The following HS3ST5 variants were observed in gnomAD, a reference collection of about 807,000 sequenced individuals.
The protein encoded by HS3ST5 is heparan sulfate glucosamine 3-O-sulfotransferase 5.
HS3ST5 carries 10 observed loss-of-function variants against 25.4 expected under a neutral mutation model. The observed-to-expected ratio is 0.39, with a 90% CI of 0.24 to 0.67. The LOEUF (loss-of-function observed/expected upper bound fraction) is 0.67, where lower values mean the gene tolerates loss of function less well. HS3ST5 is among the 30% of genes least tolerant of loss of function. The pLI, the probability that HS3ST5 is intolerant of heterozygous loss-of-function variation, is 0.44. For missense variants in HS3ST5, 324 were observed against 420.7 expected (o/e 0.77, Z 2.01); for synonymous variants, 170 against 162.4 (o/e 1.05, Z -0.36).
At chr6:114,341,875 C>A (rs79329718) in intron 1 of HS3ST5, among the ~76,000 whole-genome samples, 1 of 152,094 alleles carries the variant, frequency 6.6e-6, no homozygotes, top group Non-Finnish European at 1.5e-5. Context: ...CTTTCTCCCT[C>A]AAAGAGAGCG....
intron 3 of HS3ST5, among the ~76,000 whole-genome samples, chr6:114,161,521 TTATA>T (rs59921019): frequency 0.012 from 406 of 33,380 alleles, 2 homozygotes; most frequent in East Asian, 0.021. Context: ...TCCTGAAGTT[TTATA>T]TATATATATA....
intron 2 of HS3ST5, among the ~76,000 whole-genome samples, chr6:114,227,650 G>A (rs1771365109): frequency 6.6e-6 from 1 of 151,956 alleles, no homozygotes; most frequent in Non-Finnish European, 1.5e-5. Context: ...AAAAAGTAAT[G>A]GAAAGAGGTA....
rs114590122 is a variant in HS3ST5 at position 114,273,605 on chromosome 6, T to C, written c.-338-44827A>G. Among the ~76,000 whole-genome samples the C allele has an allele frequency of 3.8e-3, 577 of 152,144 alleles. 5 individuals are homozygous for C. The highest frequency in any genetic ancestry group is 0.013 in the African/African-American group (521 of 41,536). ...AAGATGCAGAGAAAGAGCAGCCCGT[T>C]AGGAAAGTGAAAACCTAGAGGGGTA... On this transcript the variant is annotated intron_variant, in intron 1 of 4. Coordinates refer to ENST00000312719, the MANE Select transcript of HS3ST5 (RefSeq NM_153612.4).
At chr6:114,155,367 A>G (rs941278349) in intron 3 of HS3ST5, among the ~76,000 whole-genome samples, 9 of 152,230 alleles carry the variant, frequency 5.9e-5, no homozygotes, top group Non-Finnish European at 8.8e-5. Context: ...TGGTAGAATT[A>G]GAAAACAAAA....
intron 1 of HS3ST5, among the ~76,000 whole-genome samples, chr6:114,305,662 G>C (rs1775258142): frequency 6.6e-6 from 1 of 152,118 alleles, no homozygotes; most frequent in South Asian, 2.1e-4. Context: ...ACACTCTTAA[G>C]AAAAGTTGCC....
intron 1 of HS3ST5, among the ~76,000 whole-genome samples, chr6:114,265,615 G>A (rs79565132): frequency 0.016 from 2,428 of 152,252 alleles, 79 homozygotes; most frequent in African/African-American, 0.055. Flanking sequence ...AAGAGGACAC[G>A]GGTTCTAGCA....
intron 3 of HS3ST5, among the ~76,000 whole-genome samples, chr6:114,112,199 C>A (rs1399107014): frequency 1.3e-5 from 2 of 152,152 alleles, no homozygotes; most frequent in Non-Finnish European, 2.9e-5. Flanking sequence ...ATTAAAGTTG[C>A]AGATGGAATG....
chr6:114,058,082 C>A lies in HS3ST5; in HGVS notation c.216G>T (p.Arg72=), dbSNP rs1233248196. The change falls in exon 5 of 5, where the codon CGG becomes CGT. Residue 72 remains arginine (R), a synonymous_variant. Coordinates refer to ENST00000312719, the MANE Select transcript of HS3ST5 (RefSeq NM_153612.4). Reference sequence around the variant, plus strand: ...CCTGCTCCTTGGAAGCGTTGCCCTTCCGGAACTCGTGCAGCAGGCCACGCT... The same window carrying A: ...CCTGCTCCTTGGAAGCGTTGCCCTTACGGAACTCGTGCAGCAGGCCACGCT... ...QFKRGLLHEF[R]KGNASKEQVR... 1.2e-6 allele frequency: 2 copies of A among 1,614,186 alleles called. No homozygotes were observed. The highest frequency in any genetic ancestry group is 3.3e-5 in the Admixed American group (2 of 60,028).
At chr6:114,281,828 G>T (rs1376210841) in intron 1 of HS3ST5, 2 of 151,886 alleles carry the variant, frequency 1.3e-5, no homozygotes. Context: ...CAGAAAACAC[G>T]CATGACAATT....
At position 114,089,251 on chromosome 6, in the gene HS3ST5, T is replaced by C. The variant is rs142764882; in HGVS notation, c.-32-26374A>G. ...TTTCAGCCAACCATTAAATTAGCCA[T>C]TTAACAGTTTTTCTGGCAATGGCAT... On this transcript the variant is annotated intron_variant, in intron 3 of 4. Transcript: ENST00000312719. 2.4e-4 allele frequency among the ~76,000 whole-genome samples: 37 copies of C among 152,324 alleles called. 1 individual carries two copies. In the East Asian group the frequency reaches 7.2e-3, roughly 29 times the overall value.
chr6:114,084,648 T>C, intron 3 of HS3ST5: 1 of 967,618 alleles, frequency 1.0e-6, no homozygotes, highest in Non-Finnish European at 1.7e-6. Context: ...GATGCCTTAA[T>C]GAGAGGCTGA....
chr6:114,090,465 T>C (rs1440103393), intron 3 of HS3ST5, among the ~76,000 whole-genome samples: 1 of 152,174 alleles, frequency 6.6e-6, no homozygotes, highest in Non-Finnish European at 1.5e-5. Context: ...TCTGTCCTTC[T>C]TTCTTCTTTT....
At chr6:114,238,814 A>G (rs566555410) in intron 1 of HS3ST5, among the ~76,000 whole-genome samples, 243 of 152,294 alleles carry the variant, frequency 1.6e-3, no homozygotes, top group African/African-American at 5.6e-3. Flanking sequence ...CCGCCACCAT[A>G]TTAATAGGTT....
chr6:114,073,616 G>A (rs1044354500), intron 3 of HS3ST5, among the ~76,000 whole-genome samples: 38 of 152,222 alleles, frequency 2.5e-4, no homozygotes, highest in African/African-American at 8.7e-4. Context: ...TTAGAATGGC[G>A]ATCATTAAAA....
At chr6:114,088,395 CT>C (rs147003711) in intron 3 of HS3ST5, among the ~76,000 whole-genome samples, 2,349 of 143,114 alleles carry the variant, frequency 0.016, 37 homozygotes, top group South Asian at 0.08. Context: ...ATGATCTTCT[CT>C]TTTTTTTTTT....
rs1027898156 is a variant in HS3ST5 at position 114,133,878 on chromosome 6, G to A, written c.-33+34473C>T. Among the ~76,000 whole-genome samples, 10 of 152,134 alleles carry A rather than the reference G, an allele frequency of 6.6e-5. 1 individual carries two copies. In the Middle Eastern group the frequency reaches 0.01, roughly 155 times the overall value. ...ATAAGATGAATCTTGAGCATGCATA[G>A]GGGTCCATGCCTGGAAGGACAGAGA... On this transcript the variant is annotated intron_variant, in intron 3 of 4. Coordinates refer to ENST00000312719, the MANE Select transcript of HS3ST5 (RefSeq NM_153612.4).
intron 1 of HS3ST5, among the ~76,000 whole-genome samples, chr6:114,256,410 C>A (rs1043060377): frequency 9.4e-5 from 14 of 148,694 alleles, no homozygotes; most frequent in East Asian, 2.1e-4. Context: ...CAAAAAAAAA[C>A]AAACTGAATG....
intron 1 of HS3ST5, among the ~76,000 whole-genome samples, chr6:114,311,539 C>CTTTT (rs11463610): frequency 0.021 from 1,824 of 84,886 alleles, 63 homozygotes; most frequent in Non-Finnish European, 0.026. Context: ...TTCTCTCTCT[C>CTTTT]TTTTTTTTTT....
At chr6:114,295,174 T>C (rs192910162) in intron 1 of HS3ST5, among the ~76,000 whole-genome samples, 39 of 152,344 alleles carry the variant, frequency 2.6e-4, no homozygotes, top group East Asian at 2.5e-3. Context: ...CTCACACACA[T>C]TTAATAAGGT....
Sources: allele counts gnomAD v4.1 joint callset (sites outside exome capture counted in the v4.1 genomes callset), GRCh38; gene constraint gnomAD v4.1.1; transcripts MANE v1.5; gene names NCBI Gene and HGNC (gene_info 2026-07-23, HGNC 2026-07-21).